SDK1: variants seen among roughly 807,000 people sequenced by gnomAD.
The protein encoded by SDK1 is protein sidekick-1.
SDK1 carries 157 observed loss-of-function variants against 245.5 expected under a neutral mutation model. That is an observed-to-expected ratio of 0.64 (90% CI 0.56 to 0.73). SDK1 has a LOEUF of 0.73. Among genes scored for constraint, SDK1 ranks in the 30% least tolerant of loss-of-function variants. The pLI is 0.00. For synonymous variants in SDK1, 1,647 were observed against 1,278.5 expected, an observed-to-expected ratio of 1.29 and a Z score of -6.15; for missense variants, 3,583 against 3,002.3, an observed-to-expected ratio of 1.19 and a Z score of -4.52.
At chr7:3,689,095 G>A (rs1784370975) in intron 4 of SDK1, among the ~76,000 whole-genome samples, 1 of 152,310 alleles carries the variant, frequency 6.6e-6, no homozygotes, top group African/African-American at 2.4e-5. Flanking sequence ...AGTTCTACAT[G>A]TGGAGTTGAG....
At chr7:3,606,296 T>A (rs1263446400) in intron 1 of SDK1, among the ~76,000 whole-genome samples, 1 of 152,228 alleles carries the variant, frequency 6.6e-6, no homozygotes, top group East Asian at 1.9e-4. Context: ...GCAACCAGTT[T>A]ACCAAATGAC....
intron 41 of SDK1, among the ~76,000 whole-genome samples, chr7:4,233,959 C>T (rs937830272): frequency 3.3e-5 from 5 of 152,220 alleles, no homozygotes; most frequent in East Asian, 1.9e-4. Flanking sequence ...GCATGAGCCA[C>T]GTGGTGTCCC....
At chr7:3,320,982 C>A (rs1779788199) in intron 1 of SDK1, among the ~76,000 whole-genome samples, 1 of 152,100 alleles carries the variant, frequency 6.6e-6, no homozygotes, top group African/African-American at 2.4e-5. Flanking sequence ...ATACTCCAGA[C>A]ACAATCGTGA....
chr7:4,050,724 G>A (rs951494317), intron 18 of SDK1, among the ~76,000 whole-genome samples: 2 of 151,812 alleles, frequency 1.3e-5, no homozygotes, highest in African/African-American at 4.8e-5. Flanking sequence ...GATTATTGCT[G>A]TTGAATCATG....
At chr7:3,711,402 G>T (rs1423266043) in intron 4 of SDK1, among the ~76,000 whole-genome samples, 1 of 152,158 alleles carries the variant, frequency 6.6e-6, no homozygotes, top group Non-Finnish European at 1.5e-5. Flanking sequence ...GAGACAGGTA[G>T]TTCCAAGTAA....
chr7:3,515,264 G>C (rs890050362), intron 1 of SDK1, among the ~76,000 whole-genome samples: 1 of 152,130 alleles, frequency 6.6e-6, no homozygotes, highest in East Asian at 1.9e-4. Flanking sequence ...GGAGGAAAGA[G>C]TTCTGTATTT....
chr7:4,065,118 C>T (rs571819617), intron 19 of SDK1, among the ~76,000 whole-genome samples: 6 of 152,248 alleles, frequency 3.9e-5, no homozygotes, highest in African/African-American at 1.4e-4. Flanking sequence ...ACTCTGAACA[C>T]CCTAACTTGG....
chr7:3,436,474 T>C (rs1282948093), intron 1 of SDK1, among the ~76,000 whole-genome samples: 1 of 152,206 alleles, frequency 6.6e-6, no homozygotes, highest in East Asian at 1.9e-4. Flanking sequence ...CTAATGATGA[T>C]TTAATGTTTG....
chr7:3,755,339 T>C (rs1242013164), intron 4 of SDK1, among the ~76,000 whole-genome samples: 2 of 152,146 alleles, frequency 1.3e-5, no homozygotes, highest in Non-Finnish European at 2.9e-5. Flanking sequence ...GTGCTGACTG[T>C]TCGGTGCCCA....
chr7:3,763,032 G>T (rs577328721), intron 4 of SDK1, among the ~76,000 whole-genome samples: 1 of 151,966 alleles, frequency 6.6e-6, no homozygotes, highest in African/African-American at 2.4e-5. Context: ...TAATTTTCTG[G>T]GATCCTTTTT....
At chr7:3,505,161 A>G (rs534318603) in intron 1 of SDK1, among the ~76,000 whole-genome samples, 45 of 152,328 alleles carry the variant, frequency 3.0e-4, no homozygotes, top group Middle Eastern at 3.4e-3. Context: ...TTTTAGGTCA[A>G]TTGAATATTT....
At chr7:4,201,067 G>A (rs1105697) in intron 35 of SDK1, among the ~76,000 whole-genome samples, 44,370 of 152,060 alleles carry the variant, frequency 0.29, 7,154 homozygotes, top group African/African-American at 0.43. Flanking sequence ...TGGGCACCAT[G>A]TCCTTTGTTC....
Position 3,384,075 on chromosome 7 carries a change from G to A in SDK1, c.298+82191G>A, listed in dbSNP as rs565137208. 3.3e-5 allele frequency among the ~76,000 whole-genome samples: 5 copies of A among 152,258 alleles called. No homozygotes were observed. In the South Asian group the frequency reaches 8.3e-4, roughly 25 times the overall value. On this transcript the variant is annotated intron_variant, in intron 1 of 44. Coordinates refer to ENST00000404826, the MANE Select transcript of SDK1 (RefSeq NM_152744.4). Reference sequence around the variant, plus strand: ...ATTTTATACAGAGTTAGCTTAGGCCGTGATTAGGTAGAAATAATGGGCAGT... The same window carrying A: ...ATTTTATACAGAGTTAGCTTAGGCCATGATTAGGTAGAAATAATGGGCAGT...
chr7:3,811,072 C>T (rs1779371674), intron 4 of SDK1, among the ~76,000 whole-genome samples: 1 of 152,140 alleles, frequency 6.6e-6, no homozygotes, highest in Admixed American at 6.5e-5. Context: ...TTCTTACTTG[C>T]CAGTCACATT....
intron 5 of SDK1, among the ~76,000 whole-genome samples, chr7:3,856,116 G>A (rs1408806610): frequency 2.6e-5 from 4 of 152,074 alleles, no homozygotes; most frequent in African/African-American, 9.7e-5. Flanking sequence ...GAGTAAGGGA[G>A]GAATAAAGAA....
At chr7:3,452,201 G>C (rs546438100) in intron 1 of SDK1, among the ~76,000 whole-genome samples, 11 of 152,280 alleles carry the variant, frequency 7.2e-5, no homozygotes, top group African/African-American at 2.4e-4. Context: ...AGGACAGGTA[G>C]AATTTTATCT....
At chr7:3,992,272 T>A (rs1040586756) in intron 14 of SDK1, among the ~76,000 whole-genome samples, 1 of 152,208 alleles carries the variant, frequency 6.6e-6, no homozygotes, top group South Asian at 2.1e-4. Flanking sequence ...CCTGCACCCA[T>A]GTACGGGACT....
chr7:3,817,038 C>G (rs185143755), intron 4 of SDK1, among the ~76,000 whole-genome samples: 40 of 152,260 alleles, frequency 2.6e-4, no homozygotes, highest in Admixed American at 2.0e-3. Context: ...TTTTACTAAA[C>G]ATTTTACTGA....
chr7:3,581,080 A>G (rs1368120976), intron 1 of SDK1, among the ~76,000 whole-genome samples: 1 of 152,052 alleles, frequency 6.6e-6, no homozygotes, highest in African/African-American at 2.4e-5. Context: ...GATGCTGAAA[A>G]CAATTGCACC....
Sources: gnomAD v4.1 joint callset for allele counts (sites outside exome capture counted in the v4.1 genomes callset) on GRCh38, gnomAD v4.1.1 for gene constraint, MANE v1.5 for transcripts, NCBI Gene and HGNC (gene_info 2026-07-23, HGNC 2026-07-21) for gene names.